Variants in SLC16A12 observed in about 807,000 individuals in gnomAD.
SLC16A12 encodes solute carrier family 16 member 12.
A neutral mutation model predicts 42.4 loss-of-function variants in SLC16A12; 17 were observed. That is an observed-to-expected ratio of 0.40 (90% CI 0.27 to 0.60). SLC16A12 has a LOEUF of 0.60. Ranked by LOEUF, SLC16A12 falls within the 20% of genes least tolerant of loss-of-function variation. SLC16A12 has a pLI of 0.42. For synonymous variants in SLC16A12, 224 were observed against 229.4 expected, an observed-to-expected ratio of 0.98 and a Z score of 0.21; for missense variants, 544 against 623.0, an observed-to-expected ratio of 0.87 and a Z score of 1.35.
chr10:89,546,522 G>T (rs1207213494), intron 2 of SLC16A12, among the ~76,000 whole-genome samples: 1 of 152,172 alleles, frequency 6.6e-6, no homozygotes, highest in African/African-American at 2.4e-5. Context: ...TTATTAAAAA[G>T]TCAGGAAACA....
chr10:89,541,833 GT>G (rs1374568197), intron 2 of SLC16A12, among the ~76,000 whole-genome samples: 1 of 152,060 alleles, frequency 6.6e-6, no homozygotes, highest in African/African-American at 2.4e-5. Flanking sequence ...TTTCCACTAG[GT>G]TAGGTTGTGC....
intron 3 of SLC16A12, among the ~76,000 whole-genome samples, chr10:89,459,564 T>A (rs1020424640): frequency 7.6e-6 from 1 of 132,078 alleles, no homozygotes; most frequent in Non-Finnish European, 1.8e-5. Flanking sequence ...CAAGAGTCAA[T>A]GGATTATGAA....
At chr10:89,495,246 T>G (rs1842907694) in intron 2 of SLC16A12, among the ~76,000 whole-genome samples, 1 of 151,854 alleles carries the variant, frequency 6.6e-6, no homozygotes, top group Admixed American at 6.6e-5. Flanking sequence ...CCCAGCTGCT[T>G]GGGAAGCTGA....
At chr10:89,499,587 G>T (rs1235822080) in intron 2 of SLC16A12, among the ~76,000 whole-genome samples, 1 of 152,106 alleles carries the variant, frequency 6.6e-6, no homozygotes, top group Non-Finnish European at 1.5e-5. Context: ...AAATTAAAAA[G>T]TTATTTGAAC....
intron 3 of SLC16A12, among the ~76,000 whole-genome samples, chr10:89,454,499 C>T (rs532882186): frequency 6.6e-6 from 1 of 152,090 alleles, no homozygotes; most frequent in Non-Finnish European, 1.5e-5. Flanking sequence ...TACTTTTTAA[C>T]CTGACTTAGG....
At position 89,443,846 on chromosome 10, in the gene SLC16A12, A is replaced by G; in HGVS notation, c.214T>C (p.Phe72Leu). 3.1e-6 allele frequency: 5 copies of G among 1,609,656 alleles called. No individual in the cohort carries two copies. Among genetic ancestry groups the G allele is most frequent in the Non-Finnish European group, 4.3e-6 (5 of 1,175,890 alleles). ...AAGTATGTCTGGAACTCCACAAAAA[A>G]AATTGAGATACATCTGAAAAATACA... The part of the protein sequence containing the change: ...TRAVTRCISI[F>L]FVEFQTYFTQ... The change falls in exon 4 of 8, where the codon TTT (phenylalanine) becomes CTT (leucine). Residue 72 changes from phenylalanine to leucine, a missense_variant. By Grantham distance (22) the Phe-to-Leu change is conservative (BLOSUM62 0). Coordinates refer to ENST00000371790, the MANE Select transcript of SLC16A12 (RefSeq NM_213606.4).
At chr10:89,529,107 TA>T (rs1843500738) in intron 2 of SLC16A12, among the ~76,000 whole-genome samples, 2 of 152,376 alleles carry the variant, frequency 1.3e-5, no homozygotes, top group South Asian at 4.1e-4. Flanking sequence ...TTATGAGATT[TA>T]ACTTTGTCGT....
chr10:89,436,901 A>AAAGAAAGAAAGAAAGAAAGG (rs1564567563), intron 6 of SLC16A12, among the ~76,000 whole-genome samples: 1 of 150,074 alleles, frequency 6.7e-6, no homozygotes, highest in African/African-American at 2.5e-5. Context: ...AGAAAGAAAG[A>AAAGAAAGAAAGAAAGAAAGG]AAGAAAGAAA....
rs1842317195 is a variant in SLC16A12, at chr10:89,462,456, G to A, written c.123C>T (p.Ser41=). The A allele has an allele frequency of 1.2e-6, 2 of 1,614,050 alleles. No individual in the cohort carries two copies. Among genetic ancestry groups the A allele is most frequent in the South Asian group, 1.1e-5 (1 of 91,080 alleles). Residue 41 remains serine, a synonymous_variant, in exon 3 of 8, where the codon TCC becomes TCT. Coordinates refer to ENST00000371790, the MANE Select transcript of SLC16A12 (RefSeq NM_213606.4). ...MAKVNRARST[S]PPDGGWGWMI... is the part of the protein sequence containing the mutation. ...TCCAGCCCCAGCCTCCATCTGGAGG[G>A]GAGGTAGACCGAGCTCTATTTACTT...
At chr10:89,539,042 T>C (rs534161376), upstream of SLC16A12, among the ~76,000 whole-genome samples, 22 of 152,290 alleles carry the variant, frequency 1.4e-4, no homozygotes, top group African/African-American at 5.1e-4. Flanking sequence ...GAGTCCCATA[T>C]CCTGTTTCTT....
rs1388547862 is a variant in SLC16A12 at position 89,432,925 on chromosome 10, A to G, written c.*139T>C. On this transcript the variant is annotated 3_prime_UTR_variant, in exon 8 of 8. Coordinates refer to ENST00000371790, the MANE Select transcript of SLC16A12 (RefSeq NM_213606.4). ...TTATGTGCTGTTTTCCCTTATAAAT[A>G]TTAATATGTTAACAAAACAATAATA... 1.2e-5 allele frequency: 14 copies of G among 1,197,636 alleles called. No homozygotes were observed. In the South Asian group the frequency reaches 1.4e-4, roughly 12 times the overall value. The allele number at this position is 1,197,636 out of a possible 1,614,324, so 74.2% of individuals were successfully genotyped here.
intron 2 of SLC16A12, among the ~76,000 whole-genome samples, chr10:89,481,451 T>C (rs1048895543): frequency 6.6e-6 from 1 of 152,190 alleles, no homozygotes; most frequent in African/African-American, 2.4e-5. Flanking sequence ...TTTAAACTTA[T>C]TGAGATTTTA....
intron 2 of SLC16A12, among the ~76,000 whole-genome samples, chr10:89,498,832 G>A (rs1842958757): frequency 1.3e-5 from 2 of 152,144 alleles, no homozygotes; most frequent in South Asian, 4.1e-4. Context: ...CCCTGTACCA[G>A]CCCGGAGCCT....
intron 2 of SLC16A12, among the ~76,000 whole-genome samples, chr10:89,468,433 G>A (rs780645150): frequency 6.6e-6 from 1 of 152,206 alleles, no homozygotes; most frequent in Non-Finnish European, 1.5e-5. Context: ...TGTAAATGGA[G>A]GCAAGTAGCT....
At chr10:89,522,623 T>A (rs1242887073) in intron 2 of SLC16A12, among the ~76,000 whole-genome samples, 2 of 152,218 alleles carry the variant, frequency 1.3e-5, no homozygotes, top group South Asian at 2.1e-4. Flanking sequence ...GTTCCTTACA[T>A]ACACTGGTTA....
At chr10:89,455,873 T>C (rs1045165692) in intron 3 of SLC16A12, among the ~76,000 whole-genome samples, 1 of 152,212 alleles carries the variant, frequency 6.6e-6, no homozygotes, top group Non-Finnish European at 1.5e-5. Flanking sequence ...TGGGCTGGAT[T>C]ATGCTGCAGT....
intron 5 of SLC16A12, 46 bp from the exon 6 acceptor site, chr10:89,439,229 C>G (rs776560927): frequency 1.3e-6 from 2 of 1,529,820 alleles, no homozygotes; most frequent in Non-Finnish European, 1.8e-6. Context: ...CCATAAACAG[C>G]CAATGATATC....
intron 2 of SLC16A12, among the ~76,000 whole-genome samples, chr10:89,489,895 G>T (rs1485900719): frequency 2.0e-5 from 3 of 152,084 alleles, no homozygotes; most frequent in African/African-American, 7.2e-5. Flanking sequence ...GTCCTTTGAG[G>T]ATCAAAAAAG....
At chr10:89,459,027 G>C (rs574381323) in intron 3 of SLC16A12, among the ~76,000 whole-genome samples, 1 of 152,364 alleles carries the variant, frequency 6.6e-6, no homozygotes, top group Admixed American at 6.5e-5. Context: ...ACTGTGAAAA[G>C]TAAGGAGAAA....
Sources: allele counts gnomAD v4.1 joint callset (sites outside exome capture counted in the v4.1 genomes callset), GRCh38; gene constraint gnomAD v4.1.1; transcripts MANE v1.5; gene names NCBI Gene and HGNC (gene_info 2026-07-23, HGNC 2026-07-21).